Variants in PACRG observed in about 807,000 individuals in gnomAD.
PACRG encodes parkin coregulated gene protein.
PACRG carries 29 observed loss-of-function variants against 29.7 expected under a neutral mutation model. The observed-to-expected ratio is 0.98, with a 90% CI of 0.73 to 1.33. The LOEUF is 1.33. PACRG is among the 40% of genes most tolerant of loss of function. PACRG has a pLI of 0.00. For synonymous variants in PACRG, 116 were observed against 118.7 expected (o/e 0.98, Z 0.15); for missense variants, 279 against 316.2 (o/e 0.88, Z 0.89).
intron 2 of PACRG, among the ~76,000 whole-genome samples, chr6:163,057,921 T>C (rs537765622): frequency 1.2e-4 from 19 of 152,212 alleles, no homozygotes; most frequent in Non-Finnish European, 2.5e-4. Flanking sequence ...CCTCCATTCC[T>C]CAGTCTGGTC....
chr6:163,131,498 G>A (rs1035858853), intron 4 of PACRG, among the ~76,000 whole-genome samples: 1 of 152,048 alleles, frequency 6.6e-6, no homozygotes, highest in Non-Finnish European at 1.5e-5. Context: ...TTGGAGAGGC[G>A]CATAAAACAA....
chr6:163,118,006 G>A (rs902226610), intron 4 of PACRG, among the ~76,000 whole-genome samples: 1 of 152,140 alleles, frequency 6.6e-6, no homozygotes, highest in African/African-American at 2.4e-5. Context: ...TAAGCATTCC[G>A]TCTTAACTGG....
intron 2 of PACRG, among the ~76,000 whole-genome samples, chr6:162,818,437 A>G (rs895644171): frequency 6.6e-6 from 1 of 152,030 alleles, no homozygotes; most frequent in African/African-American, 2.4e-5. Context: ...GCACCTGGGG[A>G]GGGAAGAAAT....
At chr6:162,815,457 T>C (rs1177868935) in intron 2 of PACRG, among the ~76,000 whole-genome samples, 5 of 150,524 alleles carry the variant, frequency 3.3e-5, no homozygotes, top group Non-Finnish European at 7.4e-5. Context: ...TTCTAATTCT[T>C]GAGCAGTCAT....
chr6:163,034,818 C>T (rs1013837431), intron 2 of PACRG, among the ~76,000 whole-genome samples: 7 of 152,090 alleles, frequency 4.6e-5, no homozygotes, highest in African/African-American at 1.7e-4. Flanking sequence ...TCTTGGACCT[C>T]GCGCAAGAAA....
intron 2 of PACRG, among the ~76,000 whole-genome samples, chr6:162,999,417 TA>T (rs1308972649): frequency 6.6e-6 from 1 of 152,236 alleles, no homozygotes; most frequent in Non-Finnish European, 1.5e-5. Flanking sequence ...CTGTGAGTTT[TA>T]GGTACCTTAA....
intron 2 of PACRG, among the ~76,000 whole-genome samples, chr6:162,911,691 G>A (rs1459228813): frequency 6.6e-6 from 1 of 152,118 alleles, no homozygotes; most frequent in Non-Finnish European, 1.5e-5. Context: ...CTGGCAAATT[G>A]CTCTCTACCC....
rs200182755 is a variant in PACRG, at chr6:162,728,310, A to G, written c.75A>G (p.Ala25=). The change falls in exon 1 of 5, where the codon GCA becomes GCG. Residue 25 remains alanine, a synonymous_variant. Transcript: ENST00000366888. ...TGCCGAAGAGGACCAAGCTGCTGGC[A>G]CAACAGCCGCTCCCGGTGCACCAGC... is the stretch of plus-strand genomic sequence containing the variant. ...DKMPKRTKLL[A]QQPLPVHQPH... is the part of the protein sequence containing the mutation. 1.0e-4 allele frequency: 162 copies of G among 1,614,040 alleles called. No individual in the cohort carries two copies. In the East Asian group the frequency reaches 2.0e-3, roughly 20 times the overall value.
chr6:162,749,035 A>T (rs145716821), intron 1 of PACRG, among the ~76,000 whole-genome samples: 4 of 152,278 alleles, frequency 2.6e-5, no homozygotes, highest in East Asian at 1.9e-4. Context: ...ATTATACAGG[A>T]TGTATTTTCT....
intron 2 of PACRG, among the ~76,000 whole-genome samples, chr6:163,028,708 G>A (rs949194907): frequency 2.0e-5 from 3 of 152,068 alleles, no homozygotes; most frequent in Non-Finnish European, 4.4e-5. Flanking sequence ...TACTTAATAC[G>A]AAACTCTAAA....
chr6:162,927,204 G>A (rs561535599), intron 2 of PACRG, among the ~76,000 whole-genome samples: 1 of 152,186 alleles, frequency 6.6e-6, no homozygotes, highest in South Asian at 2.1e-4. Context: ...ACTGTTGGTG[G>A]GAATGTAAAT....
chr6:162,850,345 T>C (rs1790755374), intron 2 of PACRG, among the ~76,000 whole-genome samples: 1 of 152,242 alleles, frequency 6.6e-6, no homozygotes. Flanking sequence ...TTTCCTGGCA[T>C]AGGGCTCCTA....
intron 2 of PACRG, chr6:163,051,755 G>A (rs1810039440): frequency 6.6e-6 from 1 of 152,092 alleles, no homozygotes; most frequent in South Asian, 2.1e-4. Flanking sequence ...TACTTCCTGG[G>A]GTCTCCTGGC....
chr6:162,845,655 C>T (rs566736955), intron 2 of PACRG, among the ~76,000 whole-genome samples: 2 of 152,218 alleles, frequency 1.3e-5, no homozygotes, highest in South Asian at 2.1e-4. Context: ...TCACTGCAGA[C>T]GTCATGCCAG....
At chr6:162,887,783 C>T (rs1315642889) in intron 2 of PACRG, among the ~76,000 whole-genome samples, 2 of 151,540 alleles carry the variant, frequency 1.3e-5, no homozygotes, top group Admixed American at 6.6e-5. Context: ...GCAGAGTGCC[C>T]AGTCCCAAAG....
At chr6:162,889,650 T>C (rs1584669418) in intron 2 of PACRG, among the ~76,000 whole-genome samples, 2 of 152,348 alleles carry the variant, frequency 1.3e-5, no homozygotes, top group East Asian at 3.9e-4. Context: ...TGAATATGAG[T>C]AACAGTCTTT....
intron 2 of PACRG, among the ~76,000 whole-genome samples, chr6:162,988,090 T>G (rs949208506): frequency 2.6e-5 from 4 of 152,168 alleles, no homozygotes; most frequent in Non-Finnish European, 5.9e-5. Context: ...TGTGAATTCT[T>G]TTGGTTTTCC....
intron 2 of PACRG, among the ~76,000 whole-genome samples, chr6:162,818,969 C>G (rs1422929163): frequency 1.3e-5 from 2 of 152,100 alleles, no homozygotes; most frequent in African/African-American, 4.8e-5. Flanking sequence ...TCAAAATGGA[C>G]TTGTATTTTG....
intron 4 of PACRG, among the ~76,000 whole-genome samples, chr6:163,192,418 T>G (rs1028064268): frequency 6.6e-6 from 1 of 152,198 alleles, no homozygotes; most frequent in Non-Finnish European, 1.5e-5. Flanking sequence ...TAGTTGAAAA[T>G]GTGGGCTCGG....
Sources: allele counts gnomAD v4.1 joint callset (sites outside exome capture counted in the v4.1 genomes callset), GRCh38; gene constraint gnomAD v4.1.1; transcripts MANE v1.5; gene names NCBI Gene and HGNC (gene_info 2026-07-23, HGNC 2026-07-21).